The following ROBO2 variants were observed in gnomAD, a reference collection of about 807,000 sequenced individuals.
The protein encoded by ROBO2 is roundabout homolog 2.
Under a neutral mutation model 160.8 loss-of-function variants are expected in ROBO2, and 53 were observed. That is an observed-to-expected ratio of 0.33 (90% CI 0.26 to 0.41). ROBO2 has a LOEUF of 0.41. Ranked by LOEUF, ROBO2 falls within the 10% of genes least tolerant of loss-of-function variation. ROBO2 has a pLI of 1.00. For missense variants in ROBO2, 1,577 were observed against 1,722.4 expected, an observed-to-expected ratio of 0.92 and a Z score of 1.49; for synonymous variants, 664 against 611.7, an observed-to-expected ratio of 1.09 and a Z score of -1.26.
intron 2 of ROBO2, among the ~76,000 whole-genome samples, chr3:77,255,997 A>G (rs906194247): frequency 1.3e-5 from 2 of 152,212 alleles, no homozygotes; most frequent in Non-Finnish European, 2.9e-5. Flanking sequence ...TGAGCATGAC[A>G]TCAGGAAATG....
intron 23 of ROBO2, among the ~76,000 whole-genome samples, chr3:77,627,118 A>G (rs2095043804): frequency 6.6e-6 from 1 of 152,222 alleles, no homozygotes. Flanking sequence ...TTAAAGAACA[A>G]TTAAATGTGT....
chr3:77,151,964 A>G (rs1431103168), intron 2 of ROBO2, among the ~76,000 whole-genome samples: 1 of 152,134 alleles, frequency 6.6e-6, no homozygotes, highest in East Asian at 1.9e-4. Context: ...TCTAGTACAC[A>G]CTTTCTACTA....
intron 5 of ROBO2, among the ~76,000 whole-genome samples, chr3:77,511,399 G>A (rs1389825652): frequency 6.6e-6 from 1 of 151,992 alleles, no homozygotes; most frequent in African/African-American, 2.4e-5. Flanking sequence ...AGAGGCTCTA[G>A]CTCCAAGGTG....
chr3:76,392,566 G>A (rs17013973), intron 2 of ROBO2, among the ~76,000 whole-genome samples: 6,303 of 152,056 alleles, frequency 0.041, 355 homozygotes, highest in African/African-American at 0.13. Flanking sequence ...TAAAATGTTC[G>A]CTTTCATTGT....
intron 1 of ROBO2, among the ~76,000 whole-genome samples, chr3:75,910,799 A>G (rs1420686603): frequency 6.6e-6 from 1 of 152,194 alleles, no homozygotes; most frequent in Non-Finnish European, 1.5e-5. Flanking sequence ...GATTCTTAAA[A>G]TAGGATATAT....
At chr3:76,227,231 T>C (rs147335111) in intron 2 of ROBO2, among the ~76,000 whole-genome samples, 212 of 152,358 alleles carry the variant, frequency 1.4e-3, no homozygotes, top group African/African-American at 4.8e-3. Context: ...AGCACATTGC[T>C]GGTCGGCCTG....
At chr3:77,406,252 C>T (rs542237496) in intron 2 of ROBO2, among the ~76,000 whole-genome samples, 73 of 152,250 alleles carry the variant, frequency 4.8e-4, no homozygotes, top group African/African-American at 1.7e-3. Context: ...GGGAAACCAC[C>T]CCCATAATCC....
At chr3:77,340,177 A>C (rs2066915350) in intron 2 of ROBO2, among the ~76,000 whole-genome samples, 1 of 152,134 alleles carries the variant, frequency 6.6e-6, no homozygotes, top group Non-Finnish European at 1.5e-5. Context: ...GTTTTTTATC[A>C]GATATTTCTA....
chr3:77,583,875 G>T (rs371098183), intron 16 of ROBO2, among the ~76,000 whole-genome samples: 1 of 151,972 alleles, frequency 6.6e-6, no homozygotes, highest in South Asian at 2.1e-4. Context: ...GGTTAGTATG[G>T]GACTTCTTAT....
At chr3:76,262,231 T>G (rs2107598341) in intron 2 of ROBO2, among the ~76,000 whole-genome samples, 1 of 152,244 alleles carries the variant, frequency 6.6e-6, no homozygotes, top group Non-Finnish European at 1.5e-5. Flanking sequence ...TATTAAATAT[T>G]ATAATGTAGT....
At chr3:77,117,122 A>G (rs577362017) in intron 2 of ROBO2, among the ~76,000 whole-genome samples, 1 of 152,332 alleles carries the variant, frequency 6.6e-6, no homozygotes, top group East Asian at 1.9e-4. Context: ...ACTGACTTGC[A>G]CTGTAAATAT....
At chr3:77,419,580 G>A (rs2077536433) in intron 2 of ROBO2, among the ~76,000 whole-genome samples, 1 of 152,120 alleles carries the variant, frequency 6.6e-6, no homozygotes, top group Non-Finnish European at 1.5e-5. Context: ...TTAATTTTCA[G>A]CACTTTCTGC....
chr3:77,075,215 C>T (rs1218357968), intron 1 of ROBO2, among the ~76,000 whole-genome samples: 2 of 152,032 alleles, frequency 1.3e-5, no homozygotes, highest in African/African-American at 4.8e-5. Context: ...CATATCTTTC[C>T]AACTAAGTTC....
At chr3:76,727,550 G>C (rs2093571727) in intron 2 of ROBO2, among the ~76,000 whole-genome samples, 1 of 152,060 alleles carries the variant, frequency 6.6e-6, no homozygotes, top group Non-Finnish European at 1.5e-5. Context: ...ACATACAACG[G>C]AATAGTCTTC....
At chr3:76,272,837 AT>A (rs1707578187) in intron 2 of ROBO2, among the ~76,000 whole-genome samples, 3 of 40,002 alleles carry the variant, frequency 7.5e-5, no homozygotes, top group South Asian at 6.8e-4. Flanking sequence ...TAAAATATAT[AT>A]ATTATATATT....
chr3:77,165,603 A>T (rs1196134138), intron 2 of ROBO2, among the ~76,000 whole-genome samples: 1 of 152,196 alleles, frequency 6.6e-6, no homozygotes, highest in Non-Finnish European at 1.5e-5. Flanking sequence ...TTGTTGATAT[A>T]TTCATTAGTT....
intron 2 of ROBO2, among the ~76,000 whole-genome samples, chr3:76,451,557 C>G (rs1226651246): frequency 6.6e-6 from 1 of 152,190 alleles, no homozygotes; most frequent in Non-Finnish European, 1.5e-5. Flanking sequence ...ATGGCTGTCT[C>G]TCTTCTGTCA....
intron 2 of ROBO2, among the ~76,000 whole-genome samples, chr3:76,178,502 A>G (rs938483305): frequency 1.3e-5 from 2 of 152,208 alleles, no homozygotes; most frequent in African/African-American, 4.8e-5. Flanking sequence ...TTAAATCTCT[A>G]TAAAGGGAAC....
intron 2 of ROBO2, among the ~76,000 whole-genome samples, chr3:76,152,400 G>A (rs1201603095): frequency 2.0e-5 from 3 of 152,110 alleles, no homozygotes; most frequent in Non-Finnish European, 4.4e-5. Flanking sequence ...GATTGATGGA[G>A]TATATAGAAC....
Sources: allele counts gnomAD v4.1 joint callset (sites outside exome capture counted in the v4.1 genomes callset), GRCh38; gene constraint gnomAD v4.1.1; transcripts MANE v1.5; gene names NCBI Gene and HGNC (gene_info 2026-07-23, HGNC 2026-07-21).